SDC1: variants seen among roughly 807,000 people sequenced by gnomAD.
SDC1 encodes the protein syndecan 1.
In SDC1, 14 loss-of-function variants were observed where a neutral mutation model predicts 29.7. That is an observed-to-expected ratio of 0.47 (90% confidence interval 0.31 to 0.74). SDC1 has a LOEUF of 0.74. Ranked by LOEUF, SDC1 falls within the 30% of genes least tolerant of loss-of-function variation. The pLI is 0.05. For missense variants in SDC1, 406 were observed against 400.3 expected (o/e 1.01, Z -0.12); for synonymous variants, 204 against 175.5 (o/e 1.16, Z -1.29).
At chr2:20,216,032 A>T (rs975653045) in intron 1 of SDC1, among the ~76,000 whole-genome samples, 1 of 152,248 alleles carries the variant, frequency 6.6e-6, no homozygotes, top group Non-Finnish European at 1.5e-5. Context: ...CAAGATCTCT[A>T]AGAATGAACC....
intron 1 of SDC1, among the ~76,000 whole-genome samples, chr2:20,209,877 C>G (rs3821220): frequency 0.51 from 77,273 of 152,152 alleles, 20,867 homozygotes; most frequent in East Asian, 0.82. Context: ...CAGACAGGTT[C>G]GACGGGGGGC....
At chr2:20,223,072 T>G in intron 1 of SDC1, 1 of 368,146 alleles carries the variant, frequency 2.7e-6, no homozygotes, top group Non-Finnish European at 5.2e-6. Flanking sequence ...AAGCCAGGAG[T>G]GCATGAGACC....
intron 1 of SDC1, among the ~76,000 whole-genome samples, chr2:20,217,023 A>C (rs1231774104): frequency 1.3e-5 from 2 of 152,194 alleles, no homozygotes. Context: ...GTCCTAGAGC[A>C]GGACTGGCAG....
rs1677934286 is a variant in SDC1, at chr2:20,224,669, G to A, written c.66+133C>T. ...CCTGGTCTCGGGGCTCACCGTCCCGGGACCCGCTGGGCTAGCGCGGGAAGA... is the reference window on the plus strand; with the variant it reads ...CCTGGTCTCGGGGCTCACCGTCCCGAGACCCGCTGGGCTAGCGCGGGAAGA... On this transcript the variant is annotated intron_variant, in intron 1 of 4. Coordinates refer to ENST00000254351, the MANE Select transcript of SDC1 (RefSeq NM_002997.5). The surrounding 1 kb of genome is among the most constrained non-coding windows in gnomAD (Gnocchi z 4.9). The A allele has an allele frequency of 1.6e-5, 17 of 1,087,224 alleles. No homozygotes were observed. Among genetic ancestry groups the A allele is most frequent in the Non-Finnish European group, 1.8e-5 (16 of 868,226 alleles). The allele number at this position is 1,087,224 out of a possible 1,614,324, so 67.3% of individuals were successfully genotyped here. A position where few individuals can be genotyped will look rare whatever the true frequency, so the allele number is the denominator to read the frequency against.
At chr2:20,212,949 T>C (rs1677516503) in intron 1 of SDC1, among the ~76,000 whole-genome samples, 1 of 152,172 alleles carries the variant, frequency 6.6e-6, no homozygotes, top group African/African-American at 2.4e-5. Flanking sequence ...ATTTTCCATT[T>C]AGTGTGAGGT....
rs762047265 is a variant in SDC1 at position 20,202,731 on chromosome 2, G to A, written c.*35C>T. ...AGGAAGAGGCAAGTGGGGGCCTAGT[G>A]AGTGGCAGGGCGGAGGGGGCGCATG... On this transcript the variant is annotated 3_prime_UTR_variant, in exon 5 of 5. Transcript: ENST00000254351. The A allele has an allele frequency of 1.9e-5, 29 of 1,554,476 alleles. No individual in the cohort carries two copies. The East Asian group carries it at 6.3e-4, about 34-fold the overall frequency.
At position 20,218,654 on chromosome 2, in the gene SDC1, C is replaced by G. The variant is rs564022634; in HGVS notation, c.66+6148G>C. 5.8e-4 allele frequency among the ~76,000 whole-genome samples: 87 copies of G among 149,774 alleles called. 2 individuals carry two copies. In the East Asian group the frequency reaches 0.016, roughly 27 times the overall value. ...ATAAACACACAGACACACACACACA[C>G]AGAGACACACGTACACACGGACACA... is the stretch of plus-strand genomic sequence containing the variant. On this transcript the variant is annotated intron_variant, in intron 1 of 4. Transcript: ENST00000254351.
At chr2:20,221,176 T>C (rs1350124320) in intron 1 of SDC1, among the ~76,000 whole-genome samples, 1 of 152,052 alleles carries the variant, frequency 6.6e-6, no homozygotes, top group African/African-American at 2.4e-5. Flanking sequence ...AATCCACATA[T>C]CACAGATCAT....
At chr2:20,214,762 C>G (rs934380731) in intron 1 of SDC1, among the ~76,000 whole-genome samples, 2 of 152,118 alleles carry the variant, frequency 1.3e-5, no homozygotes, top group Non-Finnish European at 2.9e-5. Flanking sequence ...AGAGTCTAAG[C>G]CTCTGATCTG....
intron 1 of SDC1, among the ~76,000 whole-genome samples, chr2:20,219,720 A>AG (rs1412645781): frequency 6.6e-6 from 1 of 152,216 alleles, no homozygotes; most frequent in Non-Finnish European, 1.5e-5. Flanking sequence ...TCAGGGCCTC[A>AG]GGGGCCCTTT....
chr2:20,203,096 C>T lies in SDC1; in HGVS notation c.754G>A (p.Val252Met). 1.2e-6 allele frequency: 2 copies of T among 1,607,450 alleles called. No homozygotes were observed. Among genetic ancestry groups the T allele is most frequent in the Non-Finnish European group, 1.7e-6 (2 of 1,175,696 alleles). Residue 252 changes from valine (V) to methionine (M), a missense_variant, in exon 4 of 5, where the codon GTG (valine) becomes ATG (methionine). Transcript: ENST00000254351. ...ASQGLLDRKE[V>M]LGGVIAGGLV... ...CTGAAAGAAAACTCACCTCCCAGCA[C>T]CTCTTTCCTGTCCAGGAGGCCCTGT...
chr2:20,209,392 TC>T (rs1027964626), intron 1 of SDC1, among the ~76,000 whole-genome samples: 17 of 152,172 alleles, frequency 1.1e-4, no homozygotes, highest in Middle Eastern at 3.4e-3. Context: ...CCCTTCTCTC[TC>T]CCCAGCCCTA....
chr2:20,224,900 C>T lies in SDC1; in HGVS notation c.-33G>A. On this transcript the variant is annotated 5_prime_UTR_variant, in exon 1 of 5. Transcript: ENST00000254351. The surrounding 1 kb of genome is among the most constrained non-coding windows in gnomAD (Gnocchi z 4.9). ...GGACCGGCGGCGGGAGAGCGGCAGG[C>T]TGCGCGGGTCGCGGCTGCGGGCCGG... is the stretch of plus-strand genomic sequence containing the variant. The T allele has an allele frequency of 1.7e-6, 2 of 1,209,802 alleles. No homozygotes were observed. Among genetic ancestry groups the T allele is most frequent in the Non-Finnish European group, 2.1e-6 (2 of 974,462 alleles). The allele number at this position is 1,209,802 out of a possible 1,614,324, so 74.9% of individuals were successfully genotyped here.
chr2:20,212,701 A>T (rs1677505836), intron 1 of SDC1, among the ~76,000 whole-genome samples: 1 of 152,024 alleles, frequency 6.6e-6, no homozygotes, highest in Non-Finnish European at 1.5e-5. Context: ...ACAGGCAGGG[A>T]GTGATGGGCC....
intron 1 of SDC1, chr2:20,208,265 A>C (rs1265790382): frequency 4.6e-6 from 1 of 217,810 alleles, no homozygotes; most frequent in Non-Finnish European, 7.8e-6. Context: ...TTTCCTCCTG[A>C]CTAGATAAGC....
chr2:20,211,937 C>A (rs1410138260), intron 1 of SDC1, among the ~76,000 whole-genome samples: 1 of 152,254 alleles, frequency 6.6e-6, no homozygotes, highest in Non-Finnish European at 1.5e-5. Context: ...TATCCGAGCA[C>A]CCAGGAGCAA....
At chr2:20,220,423 G>A (rs767120825) in intron 1 of SDC1, among the ~76,000 whole-genome samples, 65 of 152,162 alleles carry the variant, frequency 4.3e-4, no homozygotes, top group Non-Finnish European at 8.1e-4. Flanking sequence ...GGAGGGGCCC[G>A]CCACCCTAGG....
intron 1 of SDC1, among the ~76,000 whole-genome samples, chr2:20,223,630 G>A: frequency 6.6e-6 from 1 of 152,330 alleles, no homozygotes; most frequent in East Asian, 1.9e-4. Flanking sequence ...TCGGGCGGCA[G>A]ACTCGGGCAC....
intron 1 of SDC1, chr2:20,223,180 A>G (rs1572475717): frequency 8.5e-7 from 1 of 1,179,906 alleles, no homozygotes. Context: ...CTGGACCGGA[A>G]AATGTCTGGA....
Sources: gnomAD v4.1 joint callset for allele counts (sites outside exome capture counted in the v4.1 genomes callset) on GRCh38, gnomAD v4.1.1 for gene constraint, Gnocchi (gnomAD v3.1) non-coding constraint, MANE v1.5 for transcripts, NCBI Gene and HGNC (gene_info 2026-07-23, HGNC 2026-07-21) for gene names.